The following RAB44 variants were observed in gnomAD, a reference collection of about 807,000 sequenced individuals.
The protein encoded by RAB44 is RAB44, member RAS oncogene family.
In RAB44, 67 loss-of-function variants were observed where a neutral mutation model predicts 93.3. The ratio of observed to expected loss-of-function variants is 0.72; its 90% CI spans 0.59 to 0.88. The LOEUF (loss-of-function observed/expected upper bound fraction) is 0.88. RAB44 is among the 40% of genes least tolerant of loss of function. The pLI, the probability that RAB44 is intolerant of heterozygous loss-of-function variation, is 0.00. For missense variants in RAB44, 1,064 were observed against 1,261.7 expected (o/e 0.84, Z 2.37); for synonymous variants, 427 against 520.3 (o/e 0.82, Z 2.44).
chr6:36,715,033 C>G (rs138520603), intron 3 of RAB44, among the ~76,000 whole-genome samples: 1 of 151,968 alleles, frequency 6.6e-6, no homozygotes, highest in African/African-American at 2.4e-5. Flanking sequence ...TCATCTAAGT[C>G]GATCCTCCCA....
chr6:36,704,965 CA>C (rs1354880070), intron 2 of RAB44, among the ~76,000 whole-genome samples: 5 of 151,912 alleles, frequency 3.3e-5, no homozygotes, highest in African/African-American at 9.7e-5. Context: ...ACTAAAAATA[CA>C]AAAATTAGCC....
chr6:36,706,098 C>T (rs957132224), intron 2 of RAB44, among the ~76,000 whole-genome samples: 1 of 152,086 alleles, frequency 6.6e-6, no homozygotes, highest in Non-Finnish European at 1.5e-5. Flanking sequence ...TGAGGTCTTG[C>T]TATGTTGCCC....
intron 2 of RAB44, among the ~76,000 whole-genome samples, chr6:36,710,813 A>G (rs1259840043): frequency 1.3e-5 from 2 of 152,096 alleles, no homozygotes; most frequent in Non-Finnish European, 2.9e-5. Context: ...TAGTAGAGAC[A>G]GGGTTTCACC....
chr6:36,715,717 C>T, intron 4 of RAB44, 64 bp downstream of exon 4: 2 of 1,498,714 alleles, frequency 1.3e-6, no homozygotes, highest in Non-Finnish European at 1.8e-6. Context: ...AGGGGCTTTC[C>T]TGGACACAGC....
In RAB44 at chr6:36,721,992, G is replaced by A. The variant is rs2150337890; in HGVS notation, c.1858G>A (p.Gly620Ser). ...LTLGPAEPFQGLEFVGPVPTE... is the reference protein window; with the variant it reads ...LTLGPAEPFQSLEFVGPVPTE... ...CCTGGGGCCAGCTGAGCCCTTCCAG[G>A]GCCTGGAATTTGTGGGTCCGGTGCC... The change falls in exon 9 of 14, where the codon GGC becomes AGC. Residue 620 changes from glycine (G) to serine (S), a missense_variant. Gly to Ser is a moderately conservative substitution (Grantham distance 56, BLOSUM62 0). Coordinates refer to ENST00000612677, the MANE Select transcript of RAB44 (RefSeq NM_001257357.2). 8.1e-7 allele frequency: 1 copy of A among 1,234,662 alleles called. No homozygotes were observed. The highest frequency in any genetic ancestry group is 1.0e-6 in the Non-Finnish European group (1 of 988,412). The allele number at this position is 1,234,662 out of a possible 1,614,324, so 76.5% of individuals were successfully genotyped here.
chr6:36,722,862 A>T (rs1763132461), intron 9 of RAB44, 129 bp downstream of exon 9: 4 of 1,035,346 alleles, frequency 3.9e-6, no homozygotes, highest in South Asian at 1.7e-5. Context: ...CGGGCCCTGC[A>T]TTAGACATTG....
Position 36,721,846 on chromosome 6 carries a change from C to A in RAB44, c.1712C>A (p.Thr571Lys). ...ERETQPGPSP[T>K]TALTGVGPAK... is the part of the protein sequence containing the mutation. ...GAAACCCAGCCCGGACCCTCACCCA[C>A]AACTGCCCTCACAGGAGTGGGCCCA... is the stretch of plus-strand genomic sequence containing the variant. Residue 571 changes from threonine to lysine, a missense_variant, in exon 9 of 14, where the codon ACA becomes AAA. Coordinates refer to ENST00000612677, the MANE Select transcript of RAB44 (RefSeq NM_001257357.2). 3 of 1,234,980 alleles carry A rather than the reference C, an allele frequency of 2.4e-6. No individual in the cohort carries two copies. The highest frequency in any genetic ancestry group is 3.0e-6 in the Non-Finnish European group (3 of 988,720). 76.5% of individuals were successfully genotyped at this position (1,234,980 alleles called of 1,614,324 possible). A position where few individuals can be genotyped will look rare whatever the true frequency, so the allele number is the denominator to read the frequency against.
intron 2 of RAB44, among the ~76,000 whole-genome samples, chr6:36,712,532 T>G (rs1258079517): frequency 6.6e-6 from 1 of 151,974 alleles, no homozygotes; most frequent in East Asian, 1.9e-4. Context: ...GCCCGGCTAG[T>G]TTTTGTATTT....
intron 1 of RAB44, among the ~76,000 whole-genome samples, chr6:36,702,210 A>G (rs1280818315): frequency 6.6e-6 from 1 of 151,892 alleles, no homozygotes; most frequent in Non-Finnish European, 1.5e-5. Flanking sequence ...AGCCCTCACA[A>G]GCCCCTAATA....
chr6:36,727,986 T>G (rs1195446275), intron 11 of RAB44, among the ~76,000 whole-genome samples: 1 of 152,254 alleles, frequency 6.6e-6, no homozygotes, highest in East Asian at 1.9e-4. Context: ...ATGTAGTTCT[T>G]GTGCCATTCC....
In RAB44 at chr6:36,721,650, C is replaced by G. The variant is rs115645660; in HGVS notation, c.1516C>G (p.Pro506Ala). The G allele has an allele frequency of 6.9e-4, 857 of 1,234,580 alleles. 1 individual carries two copies. The highest frequency in any genetic ancestry group is 8.3e-4 in the Non-Finnish European group (819 of 988,400). The allele number at this position is 1,234,580 out of a possible 1,614,324, so 76.5% of individuals were successfully genotyped here. The change falls in exon 9 of 14, where the codon CCT becomes GCT. Residue 506 changes from proline to alanine, a missense_variant. Pro to Ala is a conservative substitution (Grantham distance 27). Coordinates refer to ENST00000612677, the MANE Select transcript of RAB44 (RefSeq NM_001257357.2). ...TCCTTTGGAGGATGGGCCCCCTCCC[C>G]CTGCGAACTCTCCCCCTCCCCAGGC... ...LIPLEDGPPP[P>A]ANSPPPQAPA... is the part of the protein sequence containing the mutation.
intron 9 of RAB44, among the ~76,000 whole-genome samples, chr6:36,724,713 CACTGCTAGCCTGCT>C (rs1763192545): frequency 1.3e-5 from 2 of 152,196 alleles, no homozygotes; most frequent in Admixed American, 6.5e-5. Context: ...AGCCGGCATG[CACTGCTAGCCTGCT>C]GGGAGTACCT....
At chr6:36,726,264 G>A (rs1763236634) in intron 10 of RAB44, among the ~76,000 whole-genome samples, 2 of 151,832 alleles carry the variant, frequency 1.3e-5, no homozygotes, top group Non-Finnish European at 2.9e-5. Flanking sequence ...TTTTCTTCTT[G>A]AGATGGAGTC....
Position 36,710,548 on chromosome 6 carries a change from T to G in RAB44, c.208-3280T>G, listed in dbSNP as rs1384638567. On this transcript the variant is annotated intron_variant, in intron 2 of 13. Coordinates refer to ENST00000612677, the MANE Select transcript of RAB44 (RefSeq NM_001257357.2). ...TCTTTGCCGCTTTCTTTTGTACAAC[T>G]TTTTTTTTTTTTTAATTGAGATGGA... 3.1e-5 allele frequency among the ~76,000 whole-genome samples: 3 copies of G among 97,312 alleles called. No homozygotes were observed. The South Asian group carries it at 9.0e-4, about 29-fold the overall frequency. The allele number at this position is 97,312 out of a possible 152,430, so 63.8% of individuals were successfully genotyped here.
intron 3 of RAB44, 55 bp downstream of exon 3, chr6:36,713,994 C>T: frequency 8.9e-7 from 1 of 1,127,408 alleles, no homozygotes; most frequent in Non-Finnish European, 1.3e-6. Flanking sequence ...GCAGTGTGCC[C>T]TGCATGGGGC....
intron 9 of RAB44, among the ~76,000 whole-genome samples, chr6:36,723,689 G>A (rs186361118): frequency 8.8e-4 from 133 of 151,954 alleles, no homozygotes; most frequent in African/African-American, 3.0e-3. Context: ...CAAAAAATTA[G>A]CCGGGCATGG....
At chr6:36,728,906 G>A (rs890489487) in intron 12 of RAB44, 105 bp downstream of exon 12, 8 of 934,490 alleles carry the variant, frequency 8.6e-6, no homozygotes, top group Admixed American at 8.1e-5. Context: ...AGAAGAACCC[G>A]TGGCCCATTC....
At chr6:36,707,431 C>CT (rs745890189) in intron 2 of RAB44, among the ~76,000 whole-genome samples, 2 of 151,972 alleles carry the variant, frequency 1.3e-5, no homozygotes, top group Non-Finnish European at 2.9e-5. Flanking sequence ...AAAGAGCTTC[C>CT]TTACAGATCT....
rs1232699518 is a variant in RAB44 at position 36,721,715 on chromosome 6, A to C, written c.1581A>C (p.Pro527=). The change falls in exon 9 of 14, where the codon CCA becomes CCC. Residue 527 remains proline, a synonymous_variant. Transcript: ENST00000612677. ...GSSKQIQASD[P]DDKGPGSWAP... Reference sequence around the variant, plus strand: ...GCAAACAGATCCAGGCCTCAGACCCAGATGACAAGGGCCCTGGGTCTTGGG... The same window carrying C: ...GCAAACAGATCCAGGCCTCAGACCCCGATGACAAGGGCCCTGGGTCTTGGG... The C allele has an allele frequency of 5.7e-6, 7 of 1,234,272 alleles. No individual in the cohort carries two copies. The highest frequency in any genetic ancestry group is 7.1e-6 in the Non-Finnish European group (7 of 988,220). 76.5% of individuals were successfully genotyped at this position (1,234,272 alleles called of 1,614,324 possible). A position where few individuals can be genotyped will look rare whatever the true frequency, so the allele number is the denominator to read the frequency against.
Sources: allele counts gnomAD v4.1 joint callset (sites outside exome capture counted in the v4.1 genomes callset), GRCh38; gene constraint gnomAD v4.1.1; transcripts MANE v1.5; gene names NCBI Gene and HGNC (gene_info 2026-07-23, HGNC 2026-07-21).